Variants in TTL observed in about 807,000 individuals in gnomAD.
TTL encodes the protein tubulin tyrosine ligase.
Under a neutral mutation model 41.1 loss-of-function variants are expected in TTL, and 10 were observed. The ratio of observed to expected loss-of-function variants is 0.24; its 90% CI spans 0.15 to 0.41. The LOEUF is 0.41. Ranked by LOEUF, TTL falls within the 10% of genes least tolerant of loss-of-function variation. The pLI is 1.00. For missense variants in TTL, 367 were observed against 460.4 expected (o/e 0.80, Z 1.86); for synonymous variants, 175 against 175.5 (o/e 1.00, Z 0.02).
chr2:112,496,665 CTGTGTGTGTGTGTGTGTGTG>C (rs10635241), intron 3 of TTL, among the ~76,000 whole-genome samples: 5 of 106,050 alleles, frequency 4.7e-5, no homozygotes, highest in Middle Eastern at 7.5e-3. Flanking sequence ...ATATATGTGT[CTGTGTGTGTGTGTGTGTGTG>C]TGTGTGTGTG....
intron 5 of TTL, among the ~76,000 whole-genome samples, chr2:112,519,339 C>T (rs1682158059): frequency 6.6e-6 from 1 of 152,124 alleles, no homozygotes. Flanking sequence ...TTTGGTCTGA[C>T]CTGAGACCTC....
chr2:112,527,038 G>T (rs1574074191), intron 6 of TTL, among the ~76,000 whole-genome samples: 2 of 152,122 alleles, frequency 1.3e-5, no homozygotes, highest in Non-Finnish European at 2.9e-5. Context: ...CCTTCACTTC[G>T]TTATGTACCC....
chr2:112,540,940 C>T lies in TTL; in HGVS notation c.*12145C>T, dbSNP rs1031094579. ...GAAAAATATCTAGTATTTGATAGCA[C>T]AACAGGGTGACTGCAGTCAGCAATA... On this transcript the variant is annotated 3_prime_UTR_variant, in exon 7 of 7. Transcript: ENST00000233336. 1 of 152,062 alleles carries T rather than the reference C, an allele frequency of 6.6e-6. No individual in the cohort carries two copies. The highest frequency in any genetic ancestry group is 2.4e-5 in the African/African-American group (1 of 41,404). The allele number at this position is 152,062 out of a possible 1,614,324, so 9.4% of individuals were successfully genotyped here.
At chr2:112,503,269 T>G in intron 5 of TTL, 88 bp downstream of exon 5, 1 of 1,253,222 alleles carries the variant, frequency 8.0e-7, no homozygotes. Flanking sequence ...TTCATATAAG[T>G]TGTCTAATTT....
At chr2:112,488,829 C>T (rs1681308280) in intron 2 of TTL, among the ~76,000 whole-genome samples, 1 of 151,972 alleles carries the variant, frequency 6.6e-6, no homozygotes, top group Non-Finnish European at 1.5e-5. Flanking sequence ...TGGCTCACGC[C>T]TGTAATCCCA....
intron 6 of TTL, among the ~76,000 whole-genome samples, chr2:112,527,041 A>G (rs1439161050): frequency 6.6e-6 from 1 of 152,184 alleles, no homozygotes. Context: ...TCACTTCGTT[A>G]TGTACCCAGT....
chr2:112,527,766 A>G (rs1682403960), intron 6 of TTL, among the ~76,000 whole-genome samples: 1 of 152,144 alleles, frequency 6.6e-6, no homozygotes, highest in South Asian at 2.1e-4. Context: ...CTGTTTATCC[A>G]ATTTGCCAGT....
At chr2:112,511,146 A>G (rs1318929369) in intron 5 of TTL, among the ~76,000 whole-genome samples, 2 of 152,004 alleles carry the variant, frequency 1.3e-5, no homozygotes, top group African/African-American at 4.8e-5. Flanking sequence ...AGCTGGGACT[A>G]CAGGTGCATG....
rs1428218428 is a variant in TTL at position 112,528,767 on chromosome 2, C to A, written c.1106C>A (p.Thr369Asn). Residue 369 changes from threonine to asparagine, a missense_variant, in exon 7 of 7, where the codon ACC becomes AAC. Thr to Asn is a moderately conservative substitution (Grantham distance 65). Transcript: ENST00000233336. ...CCCCCAGATGTGGAGCAACCTCAGA[C>A]CCAGCCAGCTGCCTTCATCAAGCTG... ...FPPPDVEQPQ[T>N]QPAAFIKL 1 of 1,614,126 alleles carries A rather than the reference C, an allele frequency of 6.2e-7. No individual in the cohort carries two copies. The highest frequency in any genetic ancestry group is 8.5e-7 in the Non-Finnish European group (1 of 1,180,018).
At chr2:112,485,257 CTT>C (rs1271854334) in intron 1 of TTL, among the ~76,000 whole-genome samples, 3 of 152,142 alleles carry the variant, frequency 2.0e-5, no homozygotes, top group Non-Finnish European at 4.4e-5. Context: ...GCTGAAAACA[CTT>C]TTTATTTTTA....
chr2:112,493,048 A>C (rs1229596751), intron 2 of TTL, among the ~76,000 whole-genome samples: 1 of 152,226 alleles, frequency 6.6e-6, no homozygotes, highest in East Asian at 1.9e-4. Flanking sequence ...GTGAGTTAAA[A>C]ATTTATTTAT....
In TTL at chr2:112,529,767, G is replaced by A; in HGVS notation, c.*972G>A. The A allele has an allele frequency of 4.5e-6, 1 of 221,566 alleles. No homozygotes were observed. 13.7% of individuals were successfully genotyped at this position (221,566 alleles called of 1,614,324 possible). ...TTTATGCCCCCAAGCACTTTCTGCA[G>A]TAGCTAGAGGGACAGGTTTCCTTCC... On this transcript the variant is annotated 3_prime_UTR_variant, in exon 7 of 7. Transcript: ENST00000233336.
intron 2 of TTL, among the ~76,000 whole-genome samples, chr2:112,490,031 T>C (rs1681337082): frequency 6.6e-6 from 1 of 152,210 alleles, no homozygotes; most frequent in Non-Finnish European, 1.5e-5. Context: ...TTAAATTCAT[T>C]GTCTTCTGTT....
chr2:112,521,243 A>G (rs970678492), intron 6 of TTL: 4 of 985,262 alleles, frequency 4.1e-6, no homozygotes, highest in South Asian at 4.7e-5. Context: ...GCCCAGAGGA[A>G]CAGAAGCTCC....
intron 1 of TTL, chr2:112,483,213 T>TA (rs1681143175): frequency 6.6e-6 from 1 of 152,316 alleles, no homozygotes; most frequent in Non-Finnish European, 1.5e-5. Context: ...CCGAGGGAAT[T>TA]ACCTTCATCC....
intron 3 of TTL, among the ~76,000 whole-genome samples, chr2:112,497,505 A>G (rs1464185968): frequency 2.6e-5 from 4 of 152,094 alleles, no homozygotes; most frequent in African/African-American, 9.7e-5. Flanking sequence ...TTGTTTTCTT[A>G]TTTTGTAGGT....
In TTL at chr2:112,539,356, T is replaced by A. The variant is rs1211675567; in HGVS notation, c.*10561T>A. The A allele has an allele frequency of 6.6e-6, 1 of 150,796 alleles. No homozygotes were observed. Among genetic ancestry groups the A allele is most frequent in the Non-Finnish European group, 1.5e-5 (1 of 67,848 alleles). 9.3% of individuals were successfully genotyped at this position (150,796 alleles called of 1,614,324 possible). ...AAGGGGAAAAGAAAGAATGCAAGGT[T>A]TTTTTAACATACAAAATTTACTTAA... On this transcript the variant is annotated 3_prime_UTR_variant, in exon 7 of 7. Transcript: ENST00000233336.
intron 2 of TTL, among the ~76,000 whole-genome samples, chr2:112,487,297 A>C (rs1337886490): frequency 6.6e-6 from 1 of 152,118 alleles, no homozygotes; most frequent in East Asian, 1.9e-4. Flanking sequence ...ATCATGATTC[A>C]TCCCACTCCT....
chr2:112,518,271 G>A (rs924045315), intron 5 of TTL, among the ~76,000 whole-genome samples: 4 of 150,784 alleles, frequency 2.7e-5, no homozygotes, highest in Admixed American at 6.6e-5. Context: ...GAGCCACCTC[G>A]CCCAGCCAAG....
Sources: gnomAD v4.1 joint callset for allele counts (sites outside exome capture counted in the v4.1 genomes callset) on GRCh38, gnomAD v4.1.1 for gene constraint, MANE v1.5 for transcripts, NCBI Gene and HGNC (gene_info 2026-07-23, HGNC 2026-07-21) for gene names.